ELOA: variants seen among roughly 807,000 people sequenced by gnomAD.
ELOA encodes elongin A, also known as elongin-A.
ELOA carries 15 observed loss-of-function variants against 85.2 expected under a neutral mutation model. That is an observed-to-expected ratio of 0.18 (90% CI 0.12 to 0.27). The LOEUF (loss-of-function observed/expected upper bound fraction) is 0.27, where lower values mean the gene tolerates loss of function less well. Among genes scored for constraint, ELOA ranks in the 10% least tolerant of loss-of-function variants. The pLI is 1.00. For synonymous variants in ELOA, 348 were observed against 357.2 expected (o/e 0.97, Z 0.29); for missense variants, 769 against 952.7 (o/e 0.81, Z 2.54).
chr1:23,751,467 A>G lies in ELOA; in HGVS notation c.862A>G (p.Asn288Asp), dbSNP rs35797868. ...GAACCGAAGGCCACCCTCAGGGGACAATGCAAGGGAGAAACCGCCCTCTAG... is the reference window on the plus strand; with the variant it reads ...GAACCGAAGGCCACCCTCAGGGGACGATGCAAGGGAGAAACCGCCCTCTAG... ...EENRRPPSGDNAREKPPSSGV... is the reference protein window; with the variant it reads ...EENRRPPSGDDAREKPPSSGV... Residue 288 changes from asparagine (N) to aspartate (D), a missense_variant, in exon 4 of 11, where the codon AAT (asparagine) becomes GAT (aspartate). Physicochemically the swap from Asn to Asp is conservative, Grantham distance 23 (BLOSUM62 1). This residue lies in a region of ELOA where 440 missense variants were observed against 474.0 expected (regional missense o/e 0.93). Coordinates refer to ENST00000613537, the MANE Select transcript of ELOA (RefSeq NM_003198.3). The G allele has an allele frequency of 3.3e-3, 5,384 of 1,614,090 alleles. 19 individuals carry two copies. The highest frequency in any genetic ancestry group is 6.1e-3 in the Middle Eastern group (37 of 6,062).
chr1:23,750,170 CTTTTTTTTTT>C (rs747972246), intron 3 of ELOA, among the ~76,000 whole-genome samples: 26 of 90,536 alleles, frequency 2.9e-4, no homozygotes, highest in Admixed American at 1.5e-3. Context: ...TGGTACGTTT[CTTTTTTTTTT>C]TTTTTTTTTT....
Position 23,754,458 on chromosome 1 carries a change from CAT to C in ELOA, c.1790_1791del (p.His597ArgfsTer4). 1.9e-6 allele frequency: 3 copies of C among 1,613,514 alleles called. No homozygotes were observed. The highest frequency in any genetic ancestry group is 2.5e-6 in the Non-Finnish European group (3 of 1,179,444). ...DQLYRIEEYN[H>X]VLIEETDQLW... Reference sequence around the variant, plus strand: ...GCTGTATCGCATAGAGGAATACAATCATGTGAGTATTCTGTTTGGGTGGGAAG... The same window carrying C: ...GCTGTATCGCATAGAGGAATACAATCGTGAGTATTCTGTTTGGGTGGGAAG... On this transcript the variant is annotated frameshift_variant and splice_region_variant, in exon 7 of 11. Transcript: ENST00000613537. LOFTEE classifies it high-confidence loss of function.
At chr1:23,744,382 G>A (rs1471988481) in intron 1 of ELOA, 2 of 151,548 alleles carry the variant, frequency 1.3e-5, no homozygotes, top group African/African-American at 4.8e-5. Context: ...ACGCGTTCTT[G>A]TACCTTTTCA....
Position 23,750,886 on chromosome 1 carries a change from C to T in ELOA, c.281C>T (p.Ser94Phe), listed in dbSNP as rs375426032. The change falls in exon 4 of 11, where the codon TCC becomes TTC. Residue 94 changes from serine (S) to phenylalanine (F), a missense_variant. Physicochemically the swap from Ser to Phe is radical, Grantham distance 155 (BLOSUM62 -2). Transcript: ENST00000613537. ...PDEQDFEKSNSRKRPRDALQK... is the reference protein window; with the variant it reads ...PDEQDFEKSNFRKRPRDALQK... ...GAACAGGACTTTGAGAAGAGCAATT[C>T]CCGAAAGCGCCCTCGGGATGCCCTG... 6.9e-6 allele frequency: 11 copies of T among 1,604,704 alleles called. No homozygotes were observed. In the African/African-American group the frequency reaches 1.2e-4, roughly 18 times the overall value.
At chr1:23,748,324 G>A (rs146685717) in intron 1 of ELOA, among the ~76,000 whole-genome samples, 1 of 152,214 alleles carries the variant, frequency 6.6e-6, no homozygotes, top group Non-Finnish European at 1.5e-5. Context: ...GAGTGACAAA[G>A]CCAGATTGTC....
chr1:23,750,238 T>C (rs931844084), intron 3 of ELOA, among the ~76,000 whole-genome samples: 3 of 135,958 alleles, frequency 2.2e-5, no homozygotes, highest in Non-Finnish European at 4.6e-5. Context: ...TGCAGTGGCG[T>C]GATCTCGGCT....
At chr1:23,746,101 C>T (rs555413331) in intron 1 of ELOA, among the ~76,000 whole-genome samples, 89 of 152,008 alleles carry the variant, frequency 5.9e-4, no homozygotes, top group Non-Finnish European at 9.7e-4. Flanking sequence ...CCAGCCTGGC[C>T]AACATGGTGA....
chr1:23,747,354 G>A (rs1644751713), intron 1 of ELOA, among the ~76,000 whole-genome samples: 1 of 152,194 alleles, frequency 6.6e-6, no homozygotes, highest in Non-Finnish European at 1.5e-5. Flanking sequence ...TTTCCAGCTT[G>A]TTAAGCAAGT....
intron 5 of ELOA, among the ~76,000 whole-genome samples, chr1:23,753,630 A>G (rs1644782306): frequency 6.6e-6 from 1 of 152,240 alleles, no homozygotes; most frequent in Non-Finnish European, 1.5e-5. Context: ...ATGCACTGAC[A>G]TGGAATGATC....
chr1:23,755,685 C>T (rs964956679), intron 7 of ELOA, among the ~76,000 whole-genome samples, 158 bp from the exon 8 acceptor site: 2 of 151,128 alleles, frequency 1.3e-5, no homozygotes, highest in African/African-American at 2.4e-5. Context: ...GAGGCTGAGG[C>T]GTGAGAATCG....
Position 23,751,457 on chromosome 1 carries a change from C to T in ELOA, c.852C>T (p.Pro284=). The change falls in exon 4 of 11, where the codon CCC becomes CCT. Residue 284 remains proline (P), a synonymous_variant. Coordinates refer to ENST00000613537, the MANE Select transcript of ELOA (RefSeq NM_003198.3). ...CCAAAGAGGAGAACCGAAGGCCACC[C>T]TCAGGGGACAATGCAAGGGAGAAAC... ...ALSKEENRRP[P]SGDNAREKPP... is the part of the protein sequence containing the mutation. 2 of 1,614,044 alleles carry T rather than the reference C, an allele frequency of 1.2e-6. No homozygotes were observed. The highest frequency in any genetic ancestry group is 2.2e-5 in the South Asian group (2 of 91,084).
At position 23,759,544 on chromosome 1, in the gene ELOA, G is replaced by A. The variant is rs564201870; in HGVS notation, c.2290G>A (p.Ala764Thr). ...CCCAATGATGGCCAAGACAATTAAA[G>A]CTTTCAAGAACAGATTCTCCCGACG... ...IAPMMAKTIK[A>T]FKNRFSRR The change falls in exon 11 of 11, where the codon GCT (alanine) becomes ACT (threonine). Residue 764 changes from alanine to threonine, a missense_variant. This residue lies in a region of ELOA where 116 missense variants were observed against 141.0 expected (regional missense o/e 0.82). Coordinates refer to ENST00000613537, the MANE Select transcript of ELOA (RefSeq NM_003198.3). 2.5e-6 allele frequency: 4 copies of A among 1,614,198 alleles called. No homozygotes were observed. Among genetic ancestry groups the A allele is most frequent in the Non-Finnish European group, 3.4e-6 (4 of 1,180,024 alleles).
Position 23,743,492 on chromosome 1 carries a change from C to G in ELOA, c.-12C>G, listed in dbSNP as rs1644731986. On this transcript the variant is annotated 5_prime_UTR_variant, in exon 1 of 11. Coordinates refer to ENST00000613537, the MANE Select transcript of ELOA (RefSeq NM_003198.3). ...GCCCAGTTCCGGCGAGGAGGCCGCG[C>G]CAGTGACAGCGATGGCGGCGGAGTC... 1 of 1,504,730 alleles carries G rather than the reference C, an allele frequency of 6.6e-7. No individual in the cohort carries two copies. Among genetic ancestry groups the G allele is most frequent in the Non-Finnish European group, 8.8e-7 (1 of 1,132,386 alleles). 93.2% of individuals were successfully genotyped at this position (1,504,730 alleles called of 1,614,324 possible).
At chr1:23,743,602 C>G in intron 1 of ELOA, 24 bp downstream of exon 1, 2 of 1,471,768 alleles carry the variant, frequency 1.4e-6, no homozygotes, top group Non-Finnish European at 1.8e-6. Flanking sequence ...CGGCGCGTAG[C>G]GGGATGGGCG....
chr1:23,747,887 T>G (rs1276289546), intron 1 of ELOA, among the ~76,000 whole-genome samples: 1 of 152,212 alleles, frequency 6.6e-6, no homozygotes, highest in Non-Finnish European at 1.5e-5. Flanking sequence ...CCAATTATAG[T>G]CTGGGCCACA....
intron 10 of ELOA, 63 bp downstream of exon 10, chr1:23,757,188 A>T: frequency 6.8e-7 from 1 of 1,473,404 alleles, no homozygotes; most frequent in Non-Finnish European, 9.0e-7. Flanking sequence ...TCTCAATGTC[A>T]TTATTCACTG....
chr1:23,746,608 CAAAA>C (rs55782205), intron 1 of ELOA, among the ~76,000 whole-genome samples: 1 of 68,436 alleles, frequency 1.5e-5, no homozygotes, highest in Admixed American at 1.7e-4. Flanking sequence ...ACTCCATCTC[CAAAA>C]AAAAAAAAAA....
chr1:23,756,325 A>G lies in ELOA; in HGVS notation c.2024A>G (p.Asp675Gly). 6.3e-7 allele frequency: 1 copy of G among 1,580,926 alleles called. No individual in the cohort carries two copies. Among genetic ancestry groups the G allele is most frequent in the African/African-American group, 1.3e-5 (1 of 74,552 alleles). The change falls in exon 9 of 11, where the codon GAC (aspartate) becomes GGC (glycine). Residue 675 changes from aspartate (D) to glycine (G), a missense_variant. Physicochemically the swap from Asp to Gly is moderately conservative, Grantham distance 94. Around this residue, in one of 4 missense-constraint regions of ELOA, gnomAD observed 116 missense variants for 141.0 expected, o/e 0.82. Coordinates refer to ENST00000613537, the MANE Select transcript of ELOA (RefSeq NM_003198.3). ...AACTCTGTGGCCAAGCCACCTCGTG[A>G]CGTCCGGAGGAGGCAGGAAAAGTTT... The part of the protein sequence containing the change: ...FVNSVAKPPR[D>G]VRRRQEKFGT...
In ELOA at chr1:23,758,251, ATTTATTTATTTTTT is replaced by A. The variant is rs1427989153; in HGVS notation, c.2257+1130_2257+1143del. On this transcript the variant is annotated intron_variant, in intron 10 of 10. Coordinates refer to ENST00000613537, the MANE Select transcript of ELOA (RefSeq NM_003198.3). ...TATATCTAATTGGGTCTTCCAATTTATTTATTTATTTTTTTTTTTTTTTTTTTTTTTTTTTTTTT... is the reference window on the plus strand; with the variant it reads ...TATATCTAATTGGGTCTTCCAATTTATTTTTTTTTTTTTTTTTTTTTTTTT... Among the ~76,000 whole-genome samples the A allele has an allele frequency of 2.9e-3, 142 of 48,546 alleles. 1 individual carries two copies. Among genetic ancestry groups the A allele is most frequent in the Middle Eastern group, 0.034 (2 of 58 alleles). 31.8% of individuals were successfully genotyped at this position (48,546 alleles called of 152,430 possible). A position where few individuals can be genotyped will look rare whatever the true frequency, so the allele number is the denominator to read the frequency against.
Sources: gnomAD v4.1 joint callset for allele counts (sites outside exome capture counted in the v4.1 genomes callset) on GRCh38, gnomAD v4.1.1 for gene constraint, gnomAD v4.1.1 regional missense constraint, MANE v1.5 for transcripts, NCBI Gene and HGNC (gene_info 2026-07-23, HGNC 2026-07-21) for gene names.